Variants in TRPM5 observed in about 807,000 individuals in gnomAD.
TRPM5 encodes MLSN1 and TRP-related.
Under a neutral mutation model 124.9 loss-of-function variants are expected in TRPM5, and 121 were observed. The observed-to-expected ratio is 0.97, with a 90% CI of 0.84 to 1.13. The LOEUF (loss-of-function observed/expected upper bound fraction) is 1.13. Among genes scored for constraint, TRPM5 ranks in the 50% most tolerant of loss-of-function variants. The pLI is 0.00. For missense variants in TRPM5, 1,643 were observed against 1,589.1 expected (o/e 1.03, Z -0.58); for synonymous variants, 781 against 700.5 (o/e 1.11, Z -1.81).
At chr11:2,425,341 A>G (rs1845831090), upstream of TRPM5, among the ~76,000 whole-genome samples, 1 of 152,058 alleles carries the variant, frequency 6.6e-6, no homozygotes, top group African/African-American at 2.4e-5. Flanking sequence ...CTGAGGCGCC[A>G]GGTGTTCCTG....
downstream of TRPM5, among the ~76,000 whole-genome samples, chr11:2,404,137 AT>A (rs1395204509): frequency 6.6e-6 from 1 of 152,176 alleles, no homozygotes; most frequent in Non-Finnish European, 1.5e-5. Flanking sequence ...AGCCCACATG[AT>A]GCCATCAGCC....
At chr11:2,419,411 CA>C (rs1232492187) in intron 4 of TRPM5, among the ~76,000 whole-genome samples, 1 of 149,838 alleles carries the variant, frequency 6.7e-6, no homozygotes, top group Non-Finnish European at 1.5e-5. Context: ...AGTTCAAGAC[CA>C]GCCTGGCCAA....
intron 16 of TRPM5, 114 bp from the exon 22 acceptor site, chr11:2,411,881 G>A (rs1363907522): frequency 7.9e-6 from 10 of 1,273,026 alleles, no homozygotes; most frequent in African/African-American, 4.5e-5. Context: ...GGACTCCTTG[G>A]GCCCTGAGTG....
At chr11:2,439,765 T>C in the TRPM5 span, among the ~76,000 whole-genome samples, 1 of 152,232 alleles carries the variant, frequency 6.6e-6, no homozygotes, top group African/African-American at 2.4e-5. Context: ...GAAAGCAGTT[T>C]GGAGATTTCC....
chr11:2,409,339 T>C lies in TRPM5; in HGVS notation c.2783-1427A>G, dbSNP rs563918501. On this transcript the variant is annotated intron_variant, in intron 18 of 23. Transcript: ENST00000155858. Reference sequence around the variant, plus strand: ...GCCGGGGCCAGCCTGGAGAGCCTGTTTGTGAAGCCGTAAATCTGTCTGATA... The same window carrying C: ...GCCGGGGCCAGCCTGGAGAGCCTGTCTGTGAAGCCGTAAATCTGTCTGATA... Among the ~76,000 whole-genome samples the C allele has an allele frequency of 3.9e-5, 6 of 152,224 alleles. No individual in the cohort carries two copies. In the South Asian group the frequency reaches 1.0e-3, roughly 26 times the overall value.
chr11:2,406,714 C>T, exon 21 of TRPM5: 1 of 1,613,576 alleles, frequency 6.2e-7, no homozygotes, highest in Non-Finnish European at 8.5e-7. Flanking sequence ...TCCGCTTCTC[C>T]ATCTTGCTCA....
intron 21 of TRPM5, 61 bp from the exon 27 acceptor site, chr11:2,406,152 C>T (rs776886306): frequency 6.4e-7 from 1 of 1,562,952 alleles, no homozygotes; most frequent in Non-Finnish European, 8.7e-7. Flanking sequence ...GTGTGGGGAG[C>T]CTCCCCATCC....
chr11:2,410,675 T>C (rs1287797025), intron 18 of TRPM5: 4 of 453,538 alleles, frequency 8.8e-6, no homozygotes, highest in South Asian at 6.2e-5. Context: ...CCCTCCCCAC[T>C]GCACTGGCTT....
chr11:2,410,697 T>A (rs1210771282), intron 18 of TRPM5: 2 of 455,692 alleles, frequency 4.4e-6, no homozygotes, highest in Non-Finnish European at 8.8e-6. Flanking sequence ...TGAAAAAGTT[T>A]CCAGAGCCTC....
chr11:2,414,014 C>CCCCCCCCCCCCCCCCCCCCCCCCCCCCCA, intron 12 of TRPM5, 47 bp downstream of exon 17: 1 of 533,206 alleles, frequency 1.9e-6, no homozygotes. Context: ...AGCTCGCCCG[C>CCCCCCCCCCCCCCCCCCCCCCCCCCCCCA]CCACCCCACC....
the TRPM5 span, among the ~76,000 whole-genome samples, chr11:2,440,726 G>T: frequency 4.6e-5 from 7 of 152,176 alleles, no homozygotes; most frequent in Non-Finnish European, 7.4e-5. This position sits in a 1 kb window ranked among gnomAD's most constrained non-coding sequence, Gnocchi z 5.2. Context: ...GCACTCAGCC[G>T]GTGCTCTGCG....
upstream of TRPM5, among the ~76,000 whole-genome samples, chr11:2,423,602 G>A (rs1210866149): frequency 6.6e-6 from 1 of 152,170 alleles, no homozygotes; most frequent in Non-Finnish European, 1.5e-5. Flanking sequence ...AGGTCCAGGA[G>A]GCCCAGGACA....
chr11:2,406,667 G>A (rs760340076), exon 21 of TRPM5: 2 of 1,609,780 alleles, frequency 1.2e-6, no homozygotes, highest in Non-Finnish European at 1.7e-6. Context: ...GCACCTGTGG[G>A]CGGTTTTCCG....
At chr11:2,426,308 G>C (rs998964941), upstream of TRPM5, among the ~76,000 whole-genome samples, 2 of 152,112 alleles carry the variant, frequency 1.3e-5, no homozygotes, top group African/African-American at 4.8e-5. Context: ...CCCCGCCCCC[G>C]CCGGCCAGCC....
chr11:2,430,753 T>TGAC, the TRPM5 span, among the ~76,000 whole-genome samples: 1 of 148,834 alleles, frequency 6.7e-6, no homozygotes, highest in African/African-American at 2.5e-5. Flanking sequence ...GTGTTGGTGG[T>TGAC]GGTGGTTTTG....
the TRPM5 span, among the ~76,000 whole-genome samples, chr11:2,439,528 T>C: frequency 1.4e-4 from 22 of 152,302 alleles, no homozygotes; most frequent in Admixed American, 7.8e-4. Context: ...GATGAACAGA[T>C]GCTTCTCAAA....
At chr11:2,413,959 G>T in intron 12 of TRPM5, 102 bp downstream of exon 17, 1 of 1,475,090 alleles carries the variant, frequency 6.8e-7, no homozygotes, top group Non-Finnish European at 9.2e-7. Context: ...GAGGACGGGA[G>T]TGACAGGGCA....
chr11:2,440,264 C>T, the TRPM5 span, among the ~76,000 whole-genome samples: 7 of 152,176 alleles, frequency 4.6e-5, no homozygotes, highest in Non-Finnish European at 8.8e-5. The surrounding 1 kb of genome is among the most constrained non-coding windows in gnomAD (Gnocchi z 5.2). Context: ...ATACCCCAAA[C>T]CTCAGCATCA....
At chr11:2,421,398 A>G (rs1422527016) in intron 2 of TRPM5, among the ~76,000 whole-genome samples, 200 bp from the exon 8 acceptor site, 1 of 152,206 alleles carries the variant, frequency 6.6e-6, no homozygotes, top group Non-Finnish European at 1.5e-5. Flanking sequence ...CAGCAGCAGA[A>G]CTGGCTGGGC....
Sources: allele counts gnomAD v4.1 joint callset (sites outside exome capture counted in the v4.1 genomes callset), GRCh38; gene constraint gnomAD v4.1.1; non-coding constraint Gnocchi (gnomAD v3.1); transcripts MANE v1.5; gene names NCBI Gene and HGNC (gene_info 2026-07-23, HGNC 2026-07-21).